The following POFUT3 variants were observed in gnomAD, a reference collection of about 807,000 sequenced individuals.
The protein encoded by POFUT3 is protein O-fucosyltransferase 3, also known as GDP-fucose protein O-fucosyltransferase 3.
the POFUT3 span, among the ~76,000 whole-genome samples, chr8:33,445,648 A>G: frequency 1.2e-4 from 19 of 152,246 alleles, no homozygotes; most frequent in African/African-American, 4.3e-4. Context: ...TGACCCTCCA[A>G]AGAGCCATTC....
At chr8:33,399,444 A>C in the POFUT3 span, among the ~76,000 whole-genome samples, 1 of 152,230 alleles carries the variant, frequency 6.6e-6, no homozygotes, top group African/African-American at 2.4e-5. Context: ...ATGATAATAT[A>C]ACTGTAAGTG....
At chr8:33,457,327 C>A in the POFUT3 span, among the ~76,000 whole-genome samples, 1 of 152,000 alleles carries the variant, frequency 6.6e-6, no homozygotes, top group South Asian at 2.1e-4. Context: ...CATGCCCTGT[C>A]TCTCCTAAAA....
the POFUT3 span, among the ~76,000 whole-genome samples, chr8:33,451,331 G>C: frequency 1.5e-3 from 223 of 152,080 alleles, 5 homozygotes; most frequent in Admixed American, 8.5e-3. Context: ...TTCAGATTTA[G>C]GATGCTCAAT....
At chr8:33,450,576 T>G in the POFUT3 span, among the ~76,000 whole-genome samples, 1 of 152,162 alleles carries the variant, frequency 6.6e-6, no homozygotes, top group African/African-American at 2.4e-5. Context: ...GACTTTTGAA[T>G]GTAAGGTTTA....
At chr8:33,382,110 T>C in the POFUT3 span, among the ~76,000 whole-genome samples, 1 of 152,088 alleles carries the variant, frequency 6.6e-6, no homozygotes, top group African/African-American at 2.4e-5. Flanking sequence ...CTGGGAAACA[T>C]GGCAAAACTC....
At chr8:33,322,274 G>C in the POFUT3 span, among the ~76,000 whole-genome samples, 1 of 152,108 alleles carries the variant, frequency 6.6e-6, no homozygotes, top group East Asian at 1.9e-4. Context: ...GTGGGCTGGA[G>C]GAGAGATTAA....
At chr8:33,437,238 A>G in the POFUT3 span, among the ~76,000 whole-genome samples, 12 of 152,124 alleles carry the variant, frequency 7.9e-5, no homozygotes, top group African/African-American at 2.9e-4. Flanking sequence ...AGTGCATTAC[A>G]TCCTTTTTCT....
At chr8:33,462,527 C>A in the POFUT3 span, among the ~76,000 whole-genome samples, 3 of 152,156 alleles carry the variant, frequency 2.0e-5, no homozygotes, top group Non-Finnish European at 4.4e-5. Context: ...TCTTTTACAG[C>A]AAGTGAATAA....
At chr8:33,469,426 T>C in the POFUT3 span, among the ~76,000 whole-genome samples, 5 of 152,374 alleles carry the variant, frequency 3.3e-5, no homozygotes, top group East Asian at 9.6e-4. Flanking sequence ...CTTTGGATTG[T>C]AGATTTCTAT....
At chr8:33,378,812 T>C in the POFUT3 span, among the ~76,000 whole-genome samples, 3 of 152,160 alleles carry the variant, frequency 2.0e-5, no homozygotes, top group Non-Finnish European at 4.4e-5. Flanking sequence ...CTGGAAATGT[T>C]TGAAACCTGA....
At chr8:33,318,732 T>C in the POFUT3 span, among the ~76,000 whole-genome samples, 2 of 75,964 alleles carry the variant, frequency 2.6e-5, no homozygotes, top group African/African-American at 5.6e-5. Flanking sequence ...ATATATATTT[T>C]ATATATATTT....
chr8:33,403,714 CCTGT>C, the POFUT3 span, among the ~76,000 whole-genome samples: 12 of 151,956 alleles, frequency 7.9e-5, no homozygotes, highest in Admixed American at 4.6e-4. Flanking sequence ...AGAGTGAGAG[CCTGT>C]CTTTTAAAAA....
the POFUT3 span, among the ~76,000 whole-genome samples, chr8:33,366,471 G>A: frequency 6.6e-6 from 1 of 151,744 alleles, no homozygotes; most frequent in African/African-American, 2.4e-5. Context: ...AAAAATTGCT[G>A]TCTCCAGTAC....
the POFUT3 span, among the ~76,000 whole-genome samples, chr8:33,362,899 T>C: frequency 9.2e-3 from 1,399 of 152,178 alleles, 36 homozygotes; most frequent in African/African-American, 0.032. Context: ...AGGACTTGAA[T>C]TCAGCTCTGC....
the POFUT3 span, among the ~76,000 whole-genome samples, chr8:33,395,608 C>G: frequency 6.6e-6 from 1 of 152,122 alleles, no homozygotes; most frequent in Non-Finnish European, 1.5e-5. Flanking sequence ...CCTCATTCCT[C>G]TTGGGCACTG....
At chr8:33,328,024 G>A in the POFUT3 span, among the ~76,000 whole-genome samples, 1 of 152,186 alleles carries the variant, frequency 6.6e-6, no homozygotes, top group Non-Finnish European at 1.5e-5. Context: ...TGCTGAAGGT[G>A]ACAGCCAGAA....
chr8:33,350,064 CAT>C, the POFUT3 span, among the ~76,000 whole-genome samples: 16 of 152,002 alleles, frequency 1.1e-4, no homozygotes, highest in Non-Finnish European at 1.6e-4. Context: ...AGCATTTTTT[CAT>C]ATGTTTGTTG....
At chr8:33,338,206 G>A in the POFUT3 span, among the ~76,000 whole-genome samples, 1 of 152,200 alleles carries the variant, frequency 6.6e-6, no homozygotes, top group East Asian at 1.9e-4. Flanking sequence ...AATCGCAGTG[G>A]TGGGACACAA....
the POFUT3 span, among the ~76,000 whole-genome samples, chr8:33,374,131 A>G: frequency 1.3e-5 from 2 of 152,180 alleles, no homozygotes; most frequent in Non-Finnish European, 2.9e-5. Flanking sequence ...TTCTCCTAAG[A>G]GGGTGAACCT....
Sources: allele counts gnomAD v4.1 joint callset (sites outside exome capture counted in the v4.1 genomes callset), GRCh38; gene constraint gnomAD v4.1.1; transcripts MANE v1.5; gene names NCBI Gene and HGNC (gene_info 2026-07-23, HGNC 2026-07-21).